ADCY2: variants seen among roughly 807,000 people sequenced by gnomAD.
The protein encoded by ADCY2 is adenylate cyclase 2.
ADCY2 carries 31 observed loss-of-function variants against 125.2 expected under a neutral mutation model. That is an observed-to-expected ratio of 0.25 (90% confidence interval 0.19 to 0.33). ADCY2 has a LOEUF of 0.33. ADCY2 is among the 10% of genes least tolerant of loss of function. The pLI is 1.00. For missense variants in ADCY2, 904 were observed against 1,418.2 expected, an observed-to-expected ratio of 0.64 and a Z score of 5.82; for synonymous variants, 512 against 548.4, an observed-to-expected ratio of 0.93 and a Z score of 0.93.
chr5:7,484,596 C>A (rs1044983032), intron 2 of ADCY2, among the ~76,000 whole-genome samples: 1 of 152,160 alleles, frequency 6.6e-6, no homozygotes, highest in African/African-American at 2.4e-5. Flanking sequence ...TCCTATGTCA[C>A]TGGAAAGTTT....
rs184957303 is a variant in ADCY2 at position 7,416,570 on chromosome 5, G to A, written c.408+1800G>A. Among the ~76,000 whole-genome samples, 286 of 152,302 alleles carry A rather than the reference G, an allele frequency of 1.9e-3. 1 individual carries two copies. Among genetic ancestry groups the A allele is most frequent in the African/African-American group, 6.3e-3 (262 of 41,558 alleles). On this transcript the variant is annotated intron_variant, in intron 2 of 24. Transcript: ENST00000338316. The stretch of plus-strand genomic sequence containing the variant: ...AGAAAGAAAATTCTAATTATCTGCA[G>A]ATGACCATACTATCTATACAAATAA...
chr5:7,476,792 C>G (rs1368275790), intron 2 of ADCY2, among the ~76,000 whole-genome samples: 1 of 152,104 alleles, frequency 6.6e-6, no homozygotes, highest in Non-Finnish European at 1.5e-5. Context: ...TCACATTATT[C>G]TCTTATTTAT....
At chr5:7,454,021 G>GAATAA (rs1741574291) in intron 2 of ADCY2, among the ~76,000 whole-genome samples, 2 of 152,142 alleles carry the variant, frequency 1.3e-5, no homozygotes, top group Admixed American at 6.5e-5. Context: ...TTTCCCTGGT[G>GAATAA]CTGGCTGCAA....
chr5:7,719,403 TCA>T (rs1287115806), intron 12 of ADCY2, among the ~76,000 whole-genome samples: 2 of 152,250 alleles, frequency 1.3e-5, no homozygotes, highest in African/African-American at 4.8e-5. Flanking sequence ...TTGATTAACC[TCA>T]GTTACACTTT....
At chr5:7,503,571 C>T (rs1380887670) in intron 2 of ADCY2, among the ~76,000 whole-genome samples, 2 of 152,274 alleles carry the variant, frequency 1.3e-5, no homozygotes. Flanking sequence ...CACATGCTGC[C>T]GCCTGCCGTT....
rs992476402 is a variant in ADCY2 at position 7,773,099 on chromosome 5, G to A, written c.2382G>A (p.Glu794=). Residue 794 remains glutamate, a splice_region_variant and synonymous_variant, in exon 18 of 25, where the codon GAG becomes GAA. Transcript: ENST00000338316. Reference sequence around the variant, plus strand: ...GCGACTACAGCCAGGTCTTATTTGAGAGGTGAGCCACGGCCTCTTCCTTCT... The same window carrying A: ...GCGACTACAGCCAGGTCTTATTTGAAAGGTGAGCCACGGCCTCTTCCTTCT... ...VLGDYSQVLF[E]RPGIWKDLKT... 3 of 1,613,716 alleles carry A rather than the reference G, an allele frequency of 1.9e-6. No individual in the cohort carries two copies. The African/African-American group carries it at 4.0e-5, about 22-fold the overall frequency.
At chr5:7,702,800 C>A (rs1487132373) in intron 7 of ADCY2, among the ~76,000 whole-genome samples, 4 of 152,282 alleles carry the variant, frequency 2.6e-5, no homozygotes, top group South Asian at 4.1e-4. Flanking sequence ...GAGGAATCAC[C>A]ACACTGTCTT....
intron 22 of ADCY2, among the ~76,000 whole-genome samples, chr5:7,813,370 CCAAA>C (rs1205741270): frequency 6.6e-6 from 1 of 152,184 alleles, no homozygotes; most frequent in African/African-American, 2.4e-5. Context: ...TCGGTTATTA[CCAAA>C]CAGACACTTG....
chr5:7,774,951 G>A (rs766555400), intron 18 of ADCY2, among the ~76,000 whole-genome samples: 10 of 152,106 alleles, frequency 6.6e-5, no homozygotes, highest in Admixed American at 5.2e-4. Context: ...GGAGAATGGG[G>A]TATCCATCCC....
Position 7,396,327 on chromosome 5 carries a change from T to C in ADCY2, c.31T>C (p.Tyr11His), listed in dbSNP as rs768631760. 2.7e-6 allele frequency: 4 copies of C among 1,494,816 alleles called. No homozygotes were observed. The highest frequency in any genetic ancestry group is 2.7e-6 in the Non-Finnish European group (3 of 1,121,498). The allele number at this position is 1,494,816 out of a possible 1,614,324, so 92.6% of individuals were successfully genotyped here. A position where few individuals can be genotyped will look rare whatever the true frequency, so the allele number is the denominator to read the frequency against. The change falls in exon 1 of 25, where the codon TAC (tyrosine) becomes CAC (histidine). Residue 11 changes from tyrosine (Y) to histidine (H), a missense_variant. Coordinates refer to ENST00000338316, the MANE Select transcript of ADCY2 (RefSeq NM_020546.3). This position sits in a 1 kb window ranked among gnomAD's most constrained non-coding sequence, Gnocchi z 5.7. The part of the protein sequence containing the change: MWQEAMRRRR[Y>H]LRDRSEEAAG... ...GCAGGAGGCGATGCGGCGCCGCCGCTACCTGCGGGACCGCTCCGAGGAGGC... is the reference window on the plus strand; with the variant it reads ...GCAGGAGGCGATGCGGCGCCGCCGCCACCTGCGGGACCGCTCCGAGGAGGC...
Position 7,558,145 on chromosome 5 carries a change from C to A in ADCY2, c.570+37246C>A, listed in dbSNP as rs542518463. 2.0e-3 allele frequency among the ~76,000 whole-genome samples: 301 copies of A among 152,058 alleles called. 1 individual carries two copies. The highest frequency in any genetic ancestry group is 3.6e-3 in the Non-Finnish European group (247 of 67,996). ...TCGGCTCACTGCAACCCCTGCCACC[C>A]GGGTTTAAGTGATTCTTGTGCCTCA... On this transcript the variant is annotated intron_variant, in intron 3 of 24. Coordinates refer to ENST00000338316, the MANE Select transcript of ADCY2 (RefSeq NM_020546.3).
chr5:7,654,557 C>T (rs1267282248), intron 4 of ADCY2, among the ~76,000 whole-genome samples: 1 of 152,148 alleles, frequency 6.6e-6, no homozygotes, highest in Non-Finnish European at 1.5e-5. Flanking sequence ...GATGTAGTGA[C>T]ATAGGCGGGG....
At chr5:7,818,903 A>G (rs1320119282) in intron 23 of ADCY2, among the ~76,000 whole-genome samples, 1 of 152,222 alleles carries the variant, frequency 6.6e-6, no homozygotes, top group African/African-American at 2.4e-5. Context: ...CAGAAATAAT[A>G]GGATAGATGT....
At chr5:7,572,263 C>T (rs373830511) in intron 3 of ADCY2, among the ~76,000 whole-genome samples, 3 of 152,156 alleles carry the variant, frequency 2.0e-5, no homozygotes, top group Non-Finnish European at 4.4e-5. Flanking sequence ...TTTACACTCC[C>T]GTCAACAGTG....
At chr5:7,578,689 A>G (rs1446674124) in intron 3 of ADCY2, among the ~76,000 whole-genome samples, 4 of 152,172 alleles carry the variant, frequency 2.6e-5, no homozygotes, top group Admixed American at 2.6e-4. Flanking sequence ...TCTTAAAGCT[A>G]GGAGGCTCCT....
At chr5:7,535,097 A>G (rs1257156687) in intron 3 of ADCY2, among the ~76,000 whole-genome samples, 1 of 152,138 alleles carries the variant, frequency 6.6e-6, no homozygotes, top group Non-Finnish European at 1.5e-5. Context: ...CTAGAGTGCA[A>G]TGGCGCAATC....
At chr5:7,591,249 C>G (rs908299554) in intron 3 of ADCY2, among the ~76,000 whole-genome samples, 9 of 152,056 alleles carry the variant, frequency 5.9e-5, no homozygotes, top group African/African-American at 2.2e-4. Context: ...GTTTTTTTGG[C>G]TTTTTATGCA....
chr5:7,545,413 G>A (rs1468465949), intron 3 of ADCY2, among the ~76,000 whole-genome samples: 1 of 152,164 alleles, frequency 6.6e-6, no homozygotes, highest in Non-Finnish European at 1.5e-5. Context: ...GTGTTTGAGT[G>A]TCCTGGATAC....
At chr5:7,568,899 G>C (rs1439858465) in intron 3 of ADCY2, among the ~76,000 whole-genome samples, 4 of 152,104 alleles carry the variant, frequency 2.6e-5, no homozygotes, top group Admixed American at 6.6e-5. Flanking sequence ...ATGAGTCTAA[G>C]TGAACATCTG....
Sources: gnomAD v4.1 joint callset for allele counts (sites outside exome capture counted in the v4.1 genomes callset) on GRCh38, gnomAD v4.1.1 for gene constraint, Gnocchi (gnomAD v3.1) non-coding constraint, MANE v1.5 for transcripts, NCBI Gene and HGNC (gene_info 2026-07-23, HGNC 2026-07-21) for gene names.